The following PCDH15 variants were observed in gnomAD, a reference collection of about 807,000 sequenced individuals.
The protein encoded by PCDH15 is protocadherin related 15.
Under a neutral mutation model 178.5 loss-of-function variants are expected in PCDH15, and 129 were observed. The observed-to-expected ratio is 0.72, with a 90% CI of 0.63 to 0.84. PCDH15 has a LOEUF of 0.84. Ranked by LOEUF, PCDH15 falls within the 40% of genes least tolerant of loss-of-function variation. The pLI is 0.00. For synonymous variants in PCDH15, 800 were observed against 732.0 expected, an observed-to-expected ratio of 1.09 and a Z score of -1.50; for missense variants, 2,230 against 2,099.9, an observed-to-expected ratio of 1.06 and a Z score of -1.21.
At chr10:55,128,894 T>G (rs1054392084) in intron 2 of PCDH15, among the ~76,000 whole-genome samples, 1 of 152,130 alleles carries the variant, frequency 6.6e-6, no homozygotes, top group Admixed American at 6.6e-5. Context: ...TGCCAGAGTT[T>G]CATGGATAAT....
At chr10:55,344,088 A>G (rs574437586) in intron 2 of PCDH15, among the ~76,000 whole-genome samples, 188 of 152,212 alleles carry the variant, frequency 1.2e-3, no homozygotes, top group African/African-American at 3.8e-3. Flanking sequence ...AGTCATAGAG[A>G]TACCAGGCAG....
intron 3 of PCDH15, among the ~76,000 whole-genome samples, chr10:54,812,465 T>C (rs547421780): frequency 2.6e-5 from 4 of 151,818 alleles, no homozygotes; most frequent in Admixed American, 1.3e-4. Flanking sequence ...TGTTCTGTTT[T>C]GTTTTGTTTT....
rs756622472 is a variant in PCDH15 at position 54,937,939 on chromosome 10, A to G, written c.-79-40439T>C. Reference sequence around the variant, plus strand: ...CTCATTCCTTATCTTAGGGGAAAACATTTAGTCTTTCACCTTTAAGTAAGA... The same window carrying G: ...CTCATTCCTTATCTTAGGGGAAAACGTTTAGTCTTTCACCTTTAAGTAAGA... On this transcript the variant is annotated intron_variant, in intron 2 of 5. Transcript: ENST00000458638. 7.3e-4 allele frequency among the ~76,000 whole-genome samples: 111 copies of G among 152,070 alleles called. 1 individual carries two copies. Among genetic ancestry groups the G allele is most frequent in the Non-Finnish European group, 4.7e-4 (32 of 67,922 alleles).
Position 54,830,800 on chromosome 10 carries a change from G to A in PCDH15, c.-29+66650C>T, listed in dbSNP as rs971395429. Among the ~76,000 whole-genome samples the A allele has an allele frequency of 4.6e-5, 7 of 151,408 alleles. 1 individual carries two copies. Among genetic ancestry groups the A allele is most frequent in the Admixed American group, 1.3e-4 (2 of 15,138 alleles). ...AAAAAAAGAAGAAAAAATGTTAAAA[G>A]CAAACAGCAAGACATGCCATACATG... On this transcript the variant is annotated intron_variant, in intron 3 of 5. Coordinates refer to the PCDH15 transcript ENST00000458638.
At chr10:53,834,411 A>G (rs956958986) in intron 29 of PCDH15, among the ~76,000 whole-genome samples, 1 of 125,338 alleles carries the variant, frequency 8.0e-6, no homozygotes, top group Non-Finnish European at 1.8e-5. Context: ...CTGATTTTCC[A>G]TATTTATTTT....
intron 2 of PCDH15, among the ~76,000 whole-genome samples, chr10:54,988,473 A>C (rs1409514077): frequency 6.6e-6 from 1 of 152,186 alleles, no homozygotes; most frequent in East Asian, 1.9e-4. Context: ...TTTGGCCAAA[A>C]GGTTGATAGT....
intron 18 of PCDH15, among the ~76,000 whole-genome samples, chr10:54,028,483 G>A (rs1249677111): frequency 6.6e-6 from 1 of 151,976 alleles, no homozygotes; most frequent in Non-Finnish European, 1.5e-5. Context: ...AAAGACACAT[G>A]CACACATATG....
chr10:54,274,471 G>A (rs1387645904), intron 8 of PCDH15, among the ~76,000 whole-genome samples: 1 of 151,900 alleles, frequency 6.6e-6, no homozygotes, highest in Admixed American at 6.6e-5. Flanking sequence ...TTCCTTCAAG[G>A]TAAGGACTGT....
chr10:54,649,828 G>A (rs1216138036), intron 2 of PCDH15, among the ~76,000 whole-genome samples: 2 of 152,120 alleles, frequency 1.3e-5, no homozygotes, highest in Admixed American at 6.6e-5. Flanking sequence ...ATTGACCAGT[G>A]TCATATAAAT....
rs543281902 is a variant in PCDH15 at position 54,215,327 on chromosome 10, T to A, written c.986-1279A>T. Among the ~76,000 whole-genome samples, 203 of 120,960 alleles carry A rather than the reference T, an allele frequency of 1.7e-3. 1 individual carries two copies. Among genetic ancestry groups the A allele is most frequent in the African/African-American group, 6.6e-3 (196 of 29,818 alleles). The allele number at this position is 120,960 out of a possible 152,430, so 79.4% of individuals were successfully genotyped here. A position where few individuals can be genotyped will look rare whatever the true frequency, so the allele number is the denominator to read the frequency against. ...TCTGAGACAAGAAGGGAAATTCTAC[T>A]GGGCAGTAAATGAGGGGGAAAAAAA... On this transcript the variant is annotated intron_variant, in intron 9 of 37. Coordinates refer to ENST00000644397, the MANE Select transcript of PCDH15 (RefSeq NM_001384140.1).
chr10:54,672,478 T>A (rs1005778519), intron 1 of PCDH15, among the ~76,000 whole-genome samples: 2 of 152,122 alleles, frequency 1.3e-5, no homozygotes, highest in Non-Finnish European at 2.9e-5. Context: ...CTTAGCACAT[T>A]GGAGAAAGAT....
chr10:54,734,308 A>G (rs1943793445), intron 1 of PCDH15, among the ~76,000 whole-genome samples: 1 of 151,892 alleles, frequency 6.6e-6, no homozygotes, highest in South Asian at 2.1e-4. Context: ...AAATGAGAAG[A>G]TGCTCAACAA....
chr10:53,823,639 T>TTCAGCTA, intron 32 of PCDH15: 1 of 505,020 alleles, frequency 2.0e-6, no homozygotes, highest in Non-Finnish European at 3.8e-6. Flanking sequence ...TTTGTTTTTT[T>TTCAGCTA]TCAGCTAGTG....
intron 2 of PCDH15, among the ~76,000 whole-genome samples, chr10:55,070,296 G>A (rs1841696588): frequency 6.6e-6 from 1 of 152,030 alleles, no homozygotes; most frequent in Non-Finnish European, 1.5e-5. Flanking sequence ...GATCCCATTT[G>A]TCAATTTTGG....
rs569655209 is a variant in PCDH15, at chr10:53,860,956, T to A, written c.3718-3693A>T. Among the ~76,000 whole-genome samples, 4 of 152,206 alleles carry A rather than the reference T, an allele frequency of 2.6e-5. No homozygotes were observed. The South Asian group carries it at 8.3e-4, about 32-fold the overall frequency. ...ACAGAAGTCGCACTACCGGGAGTAG[T>A]TGTCCCACACTTACCTCTAAATCAT... On this transcript the variant is annotated intron_variant, in intron 27 of 37. Transcript: ENST00000644397.
At chr10:54,995,403 AAAAG>A (rs1398458454) in intron 2 of PCDH15, among the ~76,000 whole-genome samples, 2 of 151,888 alleles carry the variant, frequency 1.3e-5, no homozygotes, top group Non-Finnish European at 2.9e-5. Context: ...AAAAAAAAAA[AAAAG>A]AAGGAAAAAA....
In PCDH15 at chr10:55,053,488, T is replaced by C. The variant is rs537661008; in HGVS notation, c.-80+113088A>G. On this transcript the variant is annotated intron_variant, in intron 2 of 5. Coordinates refer to the PCDH15 transcript ENST00000458638. ...TCAACATTAACATAAGGGACAAAAG[T>C]GTCTTTATTAAGAGAAGAGAAATGC... is the stretch of plus-strand genomic sequence containing the variant. 6.6e-5 allele frequency among the ~76,000 whole-genome samples: 10 copies of C among 152,318 alleles called. No individual in the cohort carries two copies. The East Asian group carries it at 1.9e-3, about 29-fold the overall frequency.
intron 1 of PCDH15, among the ~76,000 whole-genome samples, chr10:54,703,959 T>C (rs897056122): frequency 9.2e-5 from 14 of 151,978 alleles, no homozygotes; most frequent in African/African-American, 3.4e-4. Context: ...CACACACCCC[T>C]ACAACCATCT....
chr10:54,098,930 TAGA>T (rs1036052593), intron 15 of PCDH15, among the ~76,000 whole-genome samples: 17 of 152,268 alleles, frequency 1.1e-4, no homozygotes, highest in African/African-American at 4.1e-4. Context: ...TTTATATAAA[TAGA>T]AGTTTATTTG....
Sources: gnomAD v4.1 joint callset for allele counts (sites outside exome capture counted in the v4.1 genomes callset) on GRCh38, gnomAD v4.1.1 for gene constraint, MANE v1.5 for transcripts, NCBI Gene and HGNC (gene_info 2026-07-23, HGNC 2026-07-21) for gene names.